Variants in KCP observed in about 807,000 individuals in gnomAD.
KCP encodes kielin/chordin-like protein.
In KCP, 194 loss-of-function variants were observed where a neutral mutation model predicts 212.7. The ratio of observed to expected loss-of-function variants is 0.91; its 90% confidence interval spans 0.81 to 1.03. KCP has a LOEUF of 1.03. Among genes scored for constraint, KCP ranks in the 50% least tolerant of loss-of-function variants. The probability of loss-of-function intolerance (pLI) is 0.00; values close to 1 mark genes in which losing one functional copy is unlikely to be tolerated. For synonymous variants in KCP, 833 were observed against 865.3 expected (o/e 0.96, Z 0.65); for missense variants, 2,080 against 2,162.5 (o/e 0.96, Z 0.76).
intron 22 of KCP, 119 bp from the exon 23 acceptor site, chr7:128,887,419 C>CCA (rs1023901890): frequency 1.6e-5 from 12 of 750,838 alleles, no homozygotes; most frequent in East Asian, 2.7e-5. Context: ...ACACACATAG[C>CCA]CACACACACA....
chr7:128,877,085 AC>A lies in KCP; in HGVS notation c.4844del (p.Gly1615ValfsTer39). 1 of 1,520,366 alleles carries A rather than the reference AC, an allele frequency of 6.6e-7. No individual in the cohort carries two copies. Among genetic ancestry groups the A allele is most frequent in the Non-Finnish European group, 8.8e-7 (1 of 1,138,508 alleles). 94.2% of individuals were successfully genotyped at this position (1,520,366 alleles called of 1,614,324 possible). On this transcript the variant is annotated frameshift_variant, in exon 40 of 40. Coordinates refer to ENST00000610776, the MANE Select transcript of KCP (RefSeq NM_001366122.1). LOFTEE classifies it low-confidence loss of function (END_TRUNC). ...GCTCCCGGCTGGGGCTGGGCCGAGC[AC>A]CAAGTGGCTGGTCTCCAGTGAGCAG... ...QVLLTGDQPL[G>X]ARPSPSREPQ...
intron 37 of KCP, 134 bp from the exon 38 acceptor site, chr7:128,878,856 C>T (rs1793148890): frequency 1.1e-6 from 1 of 907,548 alleles, no homozygotes; most frequent in Non-Finnish European, 1.6e-6. Flanking sequence ...GGTGGAGGCT[C>T]CCCTTGGAAG....
At position 128,886,887 on chromosome 7, in the gene KCP, G is replaced by C; in HGVS notation, c.2678C>G (p.Pro893Arg). 2 of 1,528,964 alleles carry C rather than the reference G, an allele frequency of 1.3e-6. No individual in the cohort carries two copies. The highest frequency in any genetic ancestry group is 1.8e-6 in the Non-Finnish European group (2 of 1,132,128). 94.7% of individuals were successfully genotyped at this position (1,528,964 alleles called of 1,614,324 possible). A position where few individuals can be genotyped will look rare whatever the true frequency, so the allele number is the denominator to read the frequency against. The change falls in exon 24 of 40, where the codon CCT (proline) becomes CGT (arginine). Residue 893 changes from proline to arginine, a missense_variant. Coordinates refer to ENST00000610776, the MANE Select transcript of KCP (RefSeq NM_001366122.1). ...PHPSPGPCFC[P>R]VCHSCLSQGR... Reference sequence around the variant, plus strand: ...GGAAGGCAGCTCACTGTGGCAAACAGGGCAGAAGCAGGGGCCTGGAGAGGG... The same window carrying C: ...GGAAGGCAGCTCACTGTGGCAAACACGGCAGAAGCAGGGGCCTGGAGAGGG...
Position 128,877,310 on chromosome 7 carries a change from C to G in KCP, c.4620G>C (p.Val1540=), listed in dbSNP as rs780005556. ...AGCCACGCTCCAGGGGGCAGCCTAC[C>G]ACTGCAGGGGGAGTGGGAGGCGGGG... is the stretch of plus-strand genomic sequence containing the variant. ...TPTWRGPTLC[V]VGCPLERGFV... Residue 1540 remains valine (V), a splice_region_variant and synonymous_variant, in exon 40 of 40, where the codon GTG becomes GTC. Coordinates refer to ENST00000610776, the MANE Select transcript of KCP (RefSeq NM_001366122.1). The G allele has an allele frequency of 2.0e-5, 30 of 1,523,436 alleles. No homozygotes were observed. Among genetic ancestry groups the G allele is most frequent in the Non-Finnish European group, 2.6e-5 (30 of 1,138,146 alleles). 94.4% of individuals were successfully genotyped at this position (1,523,436 alleles called of 1,614,324 possible). A position where few individuals can be genotyped will look rare whatever the true frequency, so the allele number is the denominator to read the frequency against.
At chr7:128,878,835 G>T in intron 37 of KCP, 113 bp from the exon 38 acceptor site, 1 of 1,084,116 alleles carries the variant, frequency 9.2e-7, no homozygotes, top group Non-Finnish European at 1.3e-6. Context: ...TGTAGGGGAG[G>T]AGAATGGACA....
chr7:128,901,086 A>G (rs1385040023), intron 8 of KCP, among the ~76,000 whole-genome samples: 1 of 152,086 alleles, frequency 6.6e-6, no homozygotes, highest in African/African-American at 2.4e-5. Context: ...TGCCACCAAA[A>G]CCAAGATGGC....
At chr7:128,878,803 C>T (rs1345877634) in intron 37 of KCP, 81 bp from the exon 38 acceptor site, 1 of 1,400,828 alleles carries the variant, frequency 7.1e-7, no homozygotes, top group East Asian at 2.5e-5. Flanking sequence ...GCCCCAGGCA[C>T]TGTGTTCAGT....
At chr7:128,888,816 C>T in intron 22 of KCP, 47 bp downstream of exon 22, 1 of 1,522,756 alleles carries the variant, frequency 6.6e-7, no homozygotes, top group East Asian at 2.5e-5. Flanking sequence ...GAGAAAGGCA[C>T]CCCGGGAGCC....
At chr7:128,893,208 A>C in intron 13 of KCP, 30 bp downstream of exon 13, 1 of 1,542,026 alleles carries the variant, frequency 6.5e-7, no homozygotes, top group Non-Finnish European at 8.8e-7. Flanking sequence ...CAGCGCCCAT[A>C]GCAGCTGCTC....
chr7:128,879,192 C>G (rs563240175), intron 37 of KCP: 2 of 411,126 alleles, frequency 4.9e-6, no homozygotes, highest in Non-Finnish European at 4.4e-6. Flanking sequence ...GAGACACCCC[C>G]CCAGGAGACT....
chr7:128,878,318 A>G (rs1793112308), intron 38 of KCP, among the ~76,000 whole-genome samples: 1 of 152,054 alleles, frequency 6.6e-6, no homozygotes, highest in African/African-American at 2.4e-5. Flanking sequence ...TCGGCATCCC[A>G]AAGTGCTGGG....
At chr7:128,878,055 CTTT>C (rs34574520) in intron 38 of KCP, among the ~76,000 whole-genome samples, 7 of 131,754 alleles carry the variant, frequency 5.3e-5, no homozygotes, top group Admixed American at 7.6e-5. Context: ...AACAAGCCTT[CTTT>C]TTTTTTTTTT....
At chr7:128,892,393 A>T in intron 16 of KCP, 121 bp downstream of exon 16, 3 of 723,924 alleles carry the variant, frequency 4.1e-6, no homozygotes, top group Non-Finnish European at 6.8e-6. Context: ...CTAAGCTCTG[A>T]AACAAGACTG....
chr7:128,889,073 G>A, intron 21 of KCP, 34 bp from the exon 22 acceptor site: 1 of 1,447,210 alleles, frequency 6.9e-7, no homozygotes, highest in South Asian at 1.4e-5. Context: ...CCGAGGGGAG[G>A]GACAGAAAGG....
intron 27 of KCP, 65 bp from the exon 28 acceptor site, chr7:128,884,928 G>A: frequency 2.7e-6 from 4 of 1,507,626 alleles, no homozygotes; most frequent in Non-Finnish European, 3.6e-6. Flanking sequence ...AGGCAGGGGT[G>A]GAGTCCTCTA....
chr7:128,879,904 G>A lies in KCP; in HGVS notation c.3932+9C>T, dbSNP rs1251007014. ...GGGGTTGGGGAGAAGAGAGACAGGG[G>A]ATGCACACCTGAAGTCCCCGCTGTG... On this transcript the variant is annotated intron_variant, in intron 35 of 39. Coordinates refer to ENST00000610776, the MANE Select transcript of KCP (RefSeq NM_001366122.1). The A allele has an allele frequency of 1.9e-6, 3 of 1,551,200 alleles. No homozygotes were observed. The highest frequency in any genetic ancestry group is 2.6e-6 in the Non-Finnish European group (3 of 1,146,950).
chr7:128,906,545 G>A (rs1178699281), intron 4 of KCP, among the ~76,000 whole-genome samples, 182 bp from the exon 5 acceptor site: 10 of 152,234 alleles, frequency 6.6e-5, no homozygotes, highest in East Asian at 3.9e-4. Context: ...CACTCCCATC[G>A]TCTCCTGATG....
At position 128,880,414 on chromosome 7, in the gene KCP, T is replaced by C. The variant is rs1330071423; in HGVS notation, c.3731A>G (p.Gln1244Arg). ...CMAGTVRCQS[Q>R]RCSPLSCGPD... ...GCCACACGAGAGCGGTGAGCAGCGCTGGCTCTGGCAACGCACGGTGCCCGC... is the reference window on the plus strand; with the variant it reads ...GCCACACGAGAGCGGTGAGCAGCGCCGGCTCTGGCAACGCACGGTGCCCGC... Residue 1244 changes from glutamine to arginine, a missense_variant, in exon 34 of 40, where the codon CAG becomes CGG. Coordinates refer to ENST00000610776, the MANE Select transcript of KCP (RefSeq NM_001366122.1). The C allele has an allele frequency of 2.6e-6, 4 of 1,543,426 alleles. No homozygotes were observed. Among genetic ancestry groups the C allele is most frequent in the Admixed American group, 2.0e-5 (1 of 50,636 alleles).
At chr7:128,901,543 G>A (rs1268904712) in intron 8 of KCP, among the ~76,000 whole-genome samples, 2 of 152,000 alleles carry the variant, frequency 1.3e-5, no homozygotes, top group South Asian at 2.1e-4. Context: ...GGAGAATGGC[G>A]TGAACCTGGA....
Sources: gnomAD v4.1 joint callset for allele counts (sites outside exome capture counted in the v4.1 genomes callset) on GRCh38, gnomAD v4.1.1 for gene constraint, MANE v1.5 for transcripts, NCBI Gene and HGNC (gene_info 2026-07-23, HGNC 2026-07-21) for gene names.